Variants in RPGRIP1 observed in about 807,000 individuals in gnomAD.
The protein encoded by RPGRIP1 is X-linked retinitis pigmentosa GTPase regulator-interacting protein 1.
RPGRIP1 carries 128 observed loss-of-function variants against 157.9 expected under a neutral mutation model. The ratio of observed to expected loss-of-function variants is 0.81; its 90% CI spans 0.70 to 0.94. RPGRIP1 has a LOEUF of 0.94. RPGRIP1 is among the 40% of genes least tolerant of loss of function. RPGRIP1 has a pLI of 0.00. For missense variants in RPGRIP1, 1,486 were observed against 1,545.8 expected, an observed-to-expected ratio of 0.96 and a Z score of 0.65; for synonymous variants, 554 against 571.6, an observed-to-expected ratio of 0.97 and a Z score of 0.44.
intron 6 of RPGRIP1, among the ~76,000 whole-genome samples, chr14:21,307,092 G>T (rs1377130573): frequency 1.3e-5 from 2 of 151,564 alleles, no homozygotes; most frequent in African/African-American, 4.9e-5. Flanking sequence ...TATTTTTTGA[G>T]ACAGAATCTC....
At position 21,287,810 on chromosome 14, in the gene RPGRIP1, A is replaced by G. The variant is rs1594369368; in HGVS notation, c.-38-129A>G. ...TTAGTGTAGAGTTGTCCACACTACC[A>G]TGAGAATGACTCTGACATGTCATAT... On this transcript the variant is annotated intron_variant, in intron 1 of 24. Coordinates refer to ENST00000400017, the MANE Select transcript of RPGRIP1 (RefSeq NM_020366.4). 5.7e-6 allele frequency: 3 copies of G among 527,628 alleles called. No individual in the cohort carries two copies. In the East Asian group the frequency reaches 8.9e-5, roughly 16 times the overall value. The allele number at this position is 527,628 out of a possible 1,614,324, so 32.7% of individuals were successfully genotyped here. A position where few individuals can be genotyped will look rare whatever the true frequency, so the allele number is the denominator to read the frequency against.
chr14:21,328,915 G>C (rs71410275), intron 19 of RPGRIP1, among the ~76,000 whole-genome samples: 2,423 of 152,046 alleles, frequency 0.016, 22 homozygotes, highest in Non-Finnish European at 0.025. Flanking sequence ...AGGCCGAGGT[G>C]GGTGGATCAC....
At chr14:21,324,071 A>G (rs550345325) in intron 14 of RPGRIP1, 3 of 165,824 alleles carry the variant, frequency 1.8e-5, no homozygotes, top group East Asian at 1.7e-4. Flanking sequence ...TCTTTAACTT[A>G]TAATGTACTT....
At chr14:21,325,152 T>G in intron 15 of RPGRIP1, 80 bp from the exon 16 acceptor site, 2 of 1,540,526 alleles carry the variant, frequency 1.3e-6, no homozygotes, top group East Asian at 2.3e-5. Flanking sequence ...TGGTGGTTTC[T>G]TATTTTCTTC....
At chr14:21,296,999 A>G (rs952088146) in intron 3 of RPGRIP1, among the ~76,000 whole-genome samples, 5 of 151,904 alleles carry the variant, frequency 3.3e-5, no homozygotes, top group African/African-American at 1.2e-4. Flanking sequence ...CTGAAGAGGT[A>G]TTATTAAGAG....
intron 14 of RPGRIP1, chr14:21,324,228 A>G: frequency 3.2e-6 from 1 of 316,408 alleles, no homozygotes; most frequent in South Asian, 2.9e-5. Flanking sequence ...TCCACGGCCA[A>G]TATACCAAAC....
At chr14:21,316,851 G>A (rs1429371553) in intron 10 of RPGRIP1, among the ~76,000 whole-genome samples, 1 of 152,124 alleles carries the variant, frequency 6.6e-6, no homozygotes, top group African/African-American at 2.4e-5. Context: ...TGGGCATGGT[G>A]GCTCACACCT....
At chr14:21,332,914 G>A (rs1253065837) in intron 20 of RPGRIP1, among the ~76,000 whole-genome samples, 3 of 152,072 alleles carry the variant, frequency 2.0e-5, no homozygotes, top group African/African-American at 7.2e-5. Context: ...GACTAGCCTG[G>A]CCAACATGGT....
intron 21 of RPGRIP1, among the ~76,000 whole-genome samples, chr14:21,336,615 G>T (rs1279988648): frequency 2.0e-5 from 3 of 152,138 alleles, no homozygotes; most frequent in African/African-American, 7.2e-5. Context: ...TAGATATTAT[G>T]TAGTTATCTG....
intron 3 of RPGRIP1, among the ~76,000 whole-genome samples, chr14:21,300,301 G>A (rs112282175): frequency 0.2 from 26,816 of 136,844 alleles, 3,356 homozygotes; most frequent in East Asian, 0.53. Flanking sequence ...GAAAAAGTCC[G>A]TCTCAAAAAA....
intron 21 of RPGRIP1, among the ~76,000 whole-genome samples, chr14:21,336,158 T>G (rs17103612): frequency 0.18 from 27,220 of 152,142 alleles, 3,047 homozygotes; most frequent in African/African-American, 0.31. Flanking sequence ...AACATGTGCT[T>G]GAGAACTGCA....
chr14:21,294,189 T>C (rs1024842901), intron 2 of RPGRIP1, among the ~76,000 whole-genome samples: 25 of 151,568 alleles, frequency 1.6e-4, no homozygotes, highest in Admixed American at 2.6e-4. Context: ...TGTGATAATA[T>C]AGAAAGGGTC....
At chr14:21,323,507 A>G (rs534245578) in intron 14 of RPGRIP1, among the ~76,000 whole-genome samples, 10 of 152,148 alleles carry the variant, frequency 6.6e-5, no homozygotes, top group African/African-American at 2.4e-4. Flanking sequence ...ATAAAAGATC[A>G]CTGCTTCTAC....
intron 10 of RPGRIP1, among the ~76,000 whole-genome samples, chr14:21,314,631 T>G (rs1355383988): frequency 6.7e-6 from 1 of 150,166 alleles, no homozygotes; most frequent in Non-Finnish European, 1.5e-5. Context: ...GAGAATCACT[T>G]GAACCCAGGA....
At chr14:21,287,024 A>G (rs1880322556) in intron 1 of RPGRIP1, among the ~76,000 whole-genome samples, 1 of 151,672 alleles carries the variant, frequency 6.6e-6, no homozygotes, top group African/African-American at 2.4e-5. Context: ...CCCTGCCAAA[A>G]GAAAAAAAAA....
At chr14:21,298,520 T>C (rs1387174372) in intron 3 of RPGRIP1, among the ~76,000 whole-genome samples, 1 of 151,870 alleles carries the variant, frequency 6.6e-6, no homozygotes, top group Non-Finnish European at 1.5e-5. Context: ...CAAAAACAAA[T>C]GGAGATAGCA....
Position 21,304,420 on chromosome 14 carries a change from A to AAAGAAAGAAAGGAAGG in RPGRIP1, c.800+888_800+889insGAAGGAAGAAAGAAAG, listed in dbSNP as rs1555365572. ...GAAAGAAAGAAAGAAAGAAAGAAAG[A>AAAGAAAGAAAGGAAGG]AAGAAAGAAAGAAAGAAAGAAAGAA... On this transcript the variant is annotated intron_variant, in intron 6 of 24. Coordinates refer to ENST00000400017, the MANE Select transcript of RPGRIP1 (RefSeq NM_020366.4). Among the ~76,000 whole-genome samples the AAAGAAAGAAAGGAAGG allele has an allele frequency of 7.3e-5, 11 of 150,924 alleles. No individual in the cohort carries two copies. The East Asian group carries it at 1.8e-3, about 25-fold the overall frequency.
At chr14:21,306,069 A>G (rs1307478454) in intron 6 of RPGRIP1, among the ~76,000 whole-genome samples, 3 of 149,066 alleles carry the variant, frequency 2.0e-5, no homozygotes, top group Non-Finnish European at 4.4e-5. Context: ...CAATCTTTCA[A>G]ACAATAAAGA....
rs1366611136 is a variant in RPGRIP1, at chr14:21,325,226, A to G, written c.2216-6A>G. On this transcript the variant is annotated splice_polypyrimidine_tract_variant and splice_region_variant and intron_variant, in intron 15 of 24. Transcript: ENST00000400017. Reference sequence around the variant, plus strand: ...TCCCCCTGCTTTCACACTTTCTGCTACCCAGGAGCTGGTGGAGAAGAGTTC... The same window carrying G: ...TCCCCCTGCTTTCACACTTTCTGCTGCCCAGGAGCTGGTGGAGAAGAGTTC... 2 of 1,600,842 alleles carry G rather than the reference A, an allele frequency of 1.2e-6. No homozygotes were observed. Among genetic ancestry groups the G allele is most frequent in the Non-Finnish European group, 1.7e-6 (2 of 1,173,978 alleles).
Sources: gnomAD v4.1 joint callset for allele counts (sites outside exome capture counted in the v4.1 genomes callset) on GRCh38, gnomAD v4.1.1 for gene constraint, MANE v1.5 for transcripts, NCBI Gene and HGNC (gene_info 2026-07-23, HGNC 2026-07-21) for gene names.